The following LRRTM1 variants were observed in gnomAD, a reference collection of about 807,000 sequenced individuals.
LRRTM1 encodes the protein leucine-rich repeat transmembrane neuronal protein 1.
LRRTM1 carries 8 observed loss-of-function variants against 37.3 expected under a neutral mutation model. That is an observed-to-expected ratio of 0.21 (90% CI 0.13 to 0.39). The LOEUF (loss-of-function observed/expected upper bound fraction) is 0.39. Ranked by LOEUF, LRRTM1 falls within the 10% of genes least tolerant of loss-of-function variation. The probability of loss-of-function intolerance (pLI) is 1.00; values close to 1 mark genes in which losing one functional copy is unlikely to be tolerated. For missense variants in LRRTM1, 557 were observed against 691.0 expected (o/e 0.81, Z 2.17); for synonymous variants, 326 against 316.8 (o/e 1.03, Z -0.31).
chr2:80,300,567 G>T (rs796400557), downstream of LRRTM1, among the ~76,000 whole-genome samples: 73 of 152,076 alleles, frequency 4.8e-4, no homozygotes, highest in African/African-American at 1.6e-3. Context: ...TTGGGGGATG[G>T]TAGTGTGTGG....
rs1382436348 is a variant in LRRTM1, at chr2:80,295,222, CA to C, written c.*307-6028del. Among the ~76,000 whole-genome samples, 13 of 128,366 alleles carry C rather than the reference CA, an allele frequency of 1.0e-4. No homozygotes were observed. In the East Asian group the frequency reaches 3.1e-3, roughly 31 times the overall value. 84.2% of individuals were successfully genotyped at this position (128,366 alleles called of 152,430 possible). On this transcript the variant is annotated intron_variant and NMD_transcript_variant, in intron 2 of 2. Coordinates refer to the LRRTM1 transcript ENST00000417012. ...AGTATGTCATTTTGAGAGTCCTGAA[CA>C]AATTTTTTTTTTTTTTGTGGGTAGG...
At chr2:80,289,513 C>T (rs1675053981) in intron 2 of LRRTM1, among the ~76,000 whole-genome samples, 1 of 152,180 alleles carries the variant, frequency 6.6e-6, no homozygotes, top group African/African-American at 2.4e-5. Context: ...GCTCCTAATG[C>T]CATCCACATT....
intron 2 of LRRTM1, among the ~76,000 whole-genome samples, chr2:80,293,539 A>G (rs1675456335): frequency 6.6e-6 from 1 of 152,148 alleles, no homozygotes. Flanking sequence ...GAGAGCATTC[A>G]CTTGTGTTGT....
rs377231458 is a variant in LRRTM1 at position 80,303,028 on chromosome 2, C to A, written c.792G>T (p.Ser264=). 2.5e-6 allele frequency: 4 copies of A among 1,613,714 alleles called. No homozygotes were observed. The highest frequency in any genetic ancestry group is 1.1e-5 in the South Asian group (1 of 91,062). ...GCTCCATGTACTCGATCTCGTTGCC[C>A]GACAAGTCCATTTTCTCCAGGTTCC... ...WVWNLEKMDL[S]GNEIEYMEPH... is the part of the protein sequence containing the mutation. Residue 264 remains serine (S), a synonymous_variant, in exon 2 of 2, where the codon TCG becomes TCT. Transcript: ENST00000295057. The surrounding 1 kb of genome is among the most constrained non-coding windows in gnomAD (Gnocchi z 7.7).
Position 80,303,691 on chromosome 2 carries a change from G to A in LRRTM1, c.129C>T (p.Cys43=). ...AGTACAGCAGCCGCCCCTCGCACCGGCACAGCTGCGGGCACCCGCTGGGGG... is the reference window on the plus strand; with the variant it reads ...AGTACAGCAGCCGCCCCTCGCACCGACACAGCTGCGGGCACCCGCTGGGGG... The part of the protein sequence containing the change: ...PAAPSGCPQL[C]RCEGRLLYCE... The change falls in exon 2 of 2, where the codon TGC becomes TGT. Residue 43 remains cysteine, a synonymous_variant. Transcript: ENST00000295057. The surrounding 1 kb of genome is among the most constrained non-coding windows in gnomAD (Gnocchi z 7.7). 1 of 1,610,160 alleles carries A rather than the reference G, an allele frequency of 6.2e-7. No homozygotes were observed. The highest frequency in any genetic ancestry group is 8.5e-7 in the Non-Finnish European group (1 of 1,177,800).
Position 80,303,937 on chromosome 2 carries a change from A to C in LRRTM1, c.-59-59T>G, listed in dbSNP as rs1437377272. The C allele has an allele frequency of 8.3e-7, 1 of 1,204,680 alleles. No individual in the cohort carries two copies. The highest frequency in any genetic ancestry group is 1.1e-6 in the Non-Finnish European group (1 of 897,298). 74.6% of individuals were successfully genotyped at this position (1,204,680 alleles called of 1,614,324 possible). ...GGGGGAGGGGGAGAAAAGGGCAAAA[A>C]ATCAAATAAATACATAGAAATAAAG... On this transcript the variant is annotated intron_variant, in intron 1 of 1. Transcript: ENST00000295057. This position sits in a 1 kb window ranked among gnomAD's most constrained non-coding sequence, Gnocchi z 7.7.
Position 80,302,263 on chromosome 2 carries a change from T to C in LRRTM1, c.1557A>G (p.Glu519=), listed in dbSNP as rs1676397003. 1 of 1,613,116 alleles carries C rather than the reference T, an allele frequency of 6.2e-7. No homozygotes were observed. The highest frequency in any genetic ancestry group is 1.3e-5 in the African/African-American group (1 of 74,912). ...SCTCHQQPAR[E]CEV is the part of the protein sequence containing the mutation. ...GCCACTGGGACAATCACACCTCGCATTCCCTCGCGGGCTGCTGGTGGCAGG... is the reference window on the plus strand; with the variant it reads ...GCCACTGGGACAATCACACCTCGCACTCCCTCGCGGGCTGCTGGTGGCAGG... The change falls in exon 2 of 2, where the codon GAA becomes GAG. Residue 519 remains glutamate (E), a synonymous_variant. Transcript: ENST00000295057. This position sits in a 1 kb window ranked among gnomAD's most constrained non-coding sequence, Gnocchi z 6.4.
chr2:80,301,170 A>T (rs1676271774), downstream of LRRTM1, among the ~76,000 whole-genome samples: 1 of 152,120 alleles, frequency 6.6e-6, no homozygotes, highest in East Asian at 1.9e-4. Flanking sequence ...ATCCTAAGGT[A>T]GGTTTTTCTC....
Position 80,303,379 on chromosome 2 carries a change from G to A in LRRTM1, c.441C>T (p.Asn147=). The part of the protein sequence containing the change: ...PNLRSVDLSY[N]KLQALAPDLF... ...GGTCGGGCGCGAGCGCCTGCAGCTTGTTGTACGAGAGGTCCACGCTGCGCA... is the reference window on the plus strand; with the variant it reads ...GGTCGGGCGCGAGCGCCTGCAGCTTATTGTACGAGAGGTCCACGCTGCGCA... Residue 147 remains asparagine, a synonymous_variant, in exon 2 of 2, where the codon AAC becomes AAT. Transcript: ENST00000295057. The surrounding 1 kb of genome is among the most constrained non-coding windows in gnomAD (Gnocchi z 7.7). 6.2e-7 allele frequency: 1 copy of A among 1,614,206 alleles called. No homozygotes were observed. The highest frequency in any genetic ancestry group is 8.5e-7 in the Non-Finnish European group (1 of 1,180,048).
intron 2 of LRRTM1, among the ~76,000 whole-genome samples, chr2:80,294,295 A>G (rs972745137): frequency 2.0e-5 from 3 of 152,222 alleles, no homozygotes; most frequent in Non-Finnish European, 4.4e-5. Flanking sequence ...AATTCTAAAC[A>G]GCGCTTTGTA....
At chr2:80,300,279 GGGGTGTGTGTGTGTGTGTGT>G (rs1458684662), downstream of LRRTM1, among the ~76,000 whole-genome samples, 141 of 128,078 alleles carry the variant, frequency 1.1e-3, 1 homozygote, top group East Asian at 5.0e-3. Context: ...CTGGGGTGTT[GGGGTGTGTGTGTGTGTGTGT>G]GTGTGTGTGT....
downstream of LRRTM1, among the ~76,000 whole-genome samples, chr2:80,300,281 G>T (rs2902205): frequency 0.017 from 1,560 of 93,126 alleles, 78 homozygotes; most frequent in Middle Eastern, 0.069. Flanking sequence ...GGGGTGTTGG[G>T]GTGTGTGTGT....
At chr2:80,292,201 A>G (rs939795298) in intron 2 of LRRTM1, among the ~76,000 whole-genome samples, 1 of 152,208 alleles carries the variant, frequency 6.6e-6, no homozygotes, top group African/African-American at 2.4e-5. Context: ...GCCACATGCC[A>G]GACACCATTC....
chr2:80,292,148 T>C (rs1675317612), intron 2 of LRRTM1, among the ~76,000 whole-genome samples: 1 of 152,222 alleles, frequency 6.6e-6, no homozygotes, highest in African/African-American at 2.4e-5. Context: ...TATGTGACCT[T>C]GTTTTGTTCA....
rs2149206810 is a variant in LRRTM1 at position 80,302,500 on chromosome 2, G to A, written c.1320C>T (p.Leu440=). The change falls in exon 2 of 2, where the codon CTC becomes CTT. Residue 440 remains leucine (L), a synonymous_variant. Coordinates refer to ENST00000295057, the MANE Select transcript of LRRTM1 (RefSeq NM_178839.5). This position sits in a 1 kb window ranked among gnomAD's most constrained non-coding sequence, Gnocchi z 6.4. ...TGTMALIFSF[L]IVVLVLYVSW... is the part of the protein sequence containing the mutation. Reference sequence around the variant, plus strand: ...ACACGTAGAGCACCAGGACCACGATGAGGAAGGAGAAGATGAGGGCCATGG... The same window carrying A: ...ACACGTAGAGCACCAGGACCACGATAAGGAAGGAGAAGATGAGGGCCATGG... 6.2e-7 allele frequency: 1 copy of A among 1,613,582 alleles called. No individual in the cohort carries two copies.
chr2:80,303,468 G>A lies in LRRTM1; in HGVS notation c.352C>T (p.Leu118Phe). 1 of 1,614,250 alleles carries A rather than the reference G, an allele frequency of 6.2e-7. No homozygotes were observed. The highest frequency in any genetic ancestry group is 1.1e-5 in the South Asian group (1 of 91,088). The change falls in exon 2 of 2, where the codon CTC (leucine) becomes TTC (phenylalanine). Residue 118 changes from leucine to phenylalanine, a missense_variant. Leu to Phe is a conservative substitution (Grantham distance 22, BLOSUM62 0). Transcript: ENST00000295057. This position sits in a 1 kb window ranked among gnomAD's most constrained non-coding sequence, Gnocchi z 7.7. The stretch of plus-strand genomic sequence containing the variant: ...GTGATCTGGTTGGAACTCAGCGTGA[G>A]TTCCTTAACTCGGCGCAGTTTCTGA... ...AFQKLRRVKE[L>F]TLSSNQITQL...
chr2:80,304,521 G>T lies in LRRTM1; in HGVS notation c.-429C>A. ...CTGGTTAATGTCCGTCATTGGAAAC[G>T]ACCACTGACCGGCGCCACCTTTTAC... On this transcript the variant is annotated 5_prime_UTR_variant, in exon 1 of 2. It introduces an in-frame stop codon into an upstream open reading frame of the 5' UTR. Coordinates refer to ENST00000295057, the MANE Select transcript of LRRTM1 (RefSeq NM_178839.5). The T allele has an allele frequency of 2.0e-5, 3 of 153,294 alleles. No individual in the cohort carries two copies. The South Asian group carries it at 5.5e-4, about 28-fold the overall frequency. 9.5% of individuals were successfully genotyped at this position (153,294 alleles called of 1,614,324 possible). A position where few individuals can be genotyped will look rare whatever the true frequency, so the allele number is the denominator to read the frequency against.
chr2:80,297,002 G>A (rs770123437), downstream of LRRTM1, among the ~76,000 whole-genome samples: 1 of 152,160 alleles, frequency 6.6e-6, no homozygotes, highest in Non-Finnish European at 1.5e-5. Flanking sequence ...TACTCTCTCT[G>A]AGTCTAAAAT....
Position 80,302,473 on chromosome 2 carries a change from G to T in LRRTM1, c.1347C>A (p.Ser449=). 6.2e-7 allele frequency: 1 copy of T among 1,614,082 alleles called. No homozygotes were observed. The highest frequency in any genetic ancestry group is 1.1e-5 in the South Asian group (1 of 91,088). The change falls in exon 2 of 2, where the codon TCC becomes TCA. Residue 449 remains serine, a synonymous_variant. Transcript: ENST00000295057. The surrounding 1 kb of genome is among the most constrained non-coding windows in gnomAD (Gnocchi z 6.4). ...TGAGGCTGGCTGGGAAACACTTCCAGGACACGTAGAGCACCAGGACCACGA... is the reference window on the plus strand; with the variant it reads ...TGAGGCTGGCTGGGAAACACTTCCATGACACGTAGAGCACCAGGACCACGA... The part of the protein sequence containing the change: ...FLIVVLVLYV[S]WKCFPASLRQ...
Sources: allele counts gnomAD v4.1 joint callset (sites outside exome capture counted in the v4.1 genomes callset), GRCh38; gene constraint gnomAD v4.1.1; non-coding constraint Gnocchi (gnomAD v3.1); transcripts MANE v1.5; gene names NCBI Gene and HGNC (gene_info 2026-07-23, HGNC 2026-07-21).